PCGF5: variants seen among roughly 807,000 people sequenced by gnomAD.
PCGF5 encodes polycomb group ring finger 5.
Under a neutral mutation model 44.3 loss-of-function variants are expected in PCGF5, and 9 were observed. The ratio of observed to expected loss-of-function variants is 0.20; its 90% CI spans 0.12 to 0.35. PCGF5 has a LOEUF of 0.35. Ranked by LOEUF, PCGF5 falls within the 10% of genes least tolerant of loss-of-function variation. PCGF5 has a pLI of 1.00. For missense variants in PCGF5, 146 were observed against 305.3 expected, an observed-to-expected ratio of 0.48 and a Z score of 3.89; for synonymous variants, 95 against 102.5, an observed-to-expected ratio of 0.93 and a Z score of 0.44.
chr10:91,205,438 C>T (rs998476531), intron 1 of PCGF5, among the ~76,000 whole-genome samples: 2 of 152,130 alleles, frequency 1.3e-5, no homozygotes, highest in Non-Finnish European at 2.9e-5. Flanking sequence ...TTTTAAGTGA[C>T]AAGGGTATAT....
intron 1 of PCGF5, among the ~76,000 whole-genome samples, chr10:91,215,011 G>A (rs375378177): frequency 9.2e-5 from 14 of 152,102 alleles, no homozygotes; most frequent in South Asian, 2.1e-4. Context: ...CAATGGTTAC[G>A]GAAATATTGT....
At chr10:91,218,128 T>C (rs1844580009), upstream of PCGF5, among the ~76,000 whole-genome samples, 2 of 152,226 alleles carry the variant, frequency 1.3e-5, no homozygotes, top group South Asian at 2.1e-4. Flanking sequence ...TTCTGGGACT[T>C]GAGAAGTACT....
chr10:91,178,912 C>T (rs1335958779), intron 1 of PCGF5, among the ~76,000 whole-genome samples: 1 of 152,206 alleles, frequency 6.6e-6, no homozygotes, highest in East Asian at 1.9e-4. Flanking sequence ...GATTCATCCT[C>T]TACAACTGAT....
intron 1 of PCGF5, among the ~76,000 whole-genome samples, chr10:91,191,661 C>T (rs1035993072): frequency 6.6e-6 from 1 of 152,140 alleles, no homozygotes; most frequent in Non-Finnish European, 1.5e-5. Context: ...GTCCTCAGTA[C>T]AGTGATGTCC....
At chr10:91,175,157 T>G (rs1843681536) in intron 1 of PCGF5, among the ~76,000 whole-genome samples, 1 of 152,108 alleles carries the variant, frequency 6.6e-6, no homozygotes, top group African/African-American at 2.4e-5. Context: ...CTCACTTCAC[T>G]TCTTCTATGC....
At chr10:91,177,575 C>CT (rs561937191) in intron 1 of PCGF5, among the ~76,000 whole-genome samples, 103 of 152,326 alleles carry the variant, frequency 6.8e-4, no homozygotes, top group African/African-American at 2.3e-3. Flanking sequence ...TTCCTGGCCG[C>CT]TTTGTTTACC....
At chr10:91,278,204 C>T in intron 9 of PCGF5, 65 bp from the exon 10 acceptor site, 1 of 1,310,458 alleles carries the variant, frequency 7.6e-7, no homozygotes, top group Non-Finnish European at 1.1e-6. Flanking sequence ...TAAAATCTTT[C>T]ATATATAAAC....
chr10:91,227,488 G>A, intron 2 of PCGF5: 1 of 1,277,238 alleles, frequency 7.8e-7, no homozygotes, highest in Non-Finnish European at 1.0e-6. Context: ...ACAAAACTGG[G>A]CAAAGTCCTG....
In PCGF5 at chr10:91,195,483, T is replaced by TAGAG. The variant is rs751445131; in HGVS notation, c.-183-27205_-183-27204insGAGA. On this transcript the variant is annotated intron_variant, in intron 1 of 9. Transcript: ENST00000614189. Reference sequence around the variant, plus strand: ...ATATATATGCATGCATATATATATATATAGAGAGAGAGAGAGAGAGAGAGA... The same window carrying TAGAG: ...ATATATATGCATGCATATATATATATAGAGATAGAGAGAGAGAGAGAGAGAGAGA... Among the ~76,000 whole-genome samples the TAGAG allele has an allele frequency of 1.4e-3, 142 of 102,164 alleles. 1 individual carries two copies. The highest frequency in any genetic ancestry group is 2.9e-3 in the South Asian group (8 of 2,758). 67.0% of individuals were successfully genotyped at this position (102,164 alleles called of 152,430 possible).
At chr10:91,180,788 C>T (rs1324501433) in intron 1 of PCGF5, among the ~76,000 whole-genome samples, 1 of 152,156 alleles carries the variant, frequency 6.6e-6, no homozygotes, top group Non-Finnish European at 1.5e-5. Flanking sequence ...TAGCATGATG[C>T]CTCCAGCTTT....
intron 2 of PCGF5, among the ~76,000 whole-genome samples, chr10:91,239,196 A>T (rs1845259680): frequency 6.6e-6 from 1 of 152,154 alleles, no homozygotes. Flanking sequence ...CTTCCTAAAT[A>T]AAGTATAAGC....
intron 2 of PCGF5, among the ~76,000 whole-genome samples, chr10:91,231,427 G>C (rs183151661): frequency 1.9e-3 from 291 of 152,324 alleles, no homozygotes; most frequent in African/African-American, 6.7e-3. Context: ...GCCTCATTAA[G>C]AGTGACTTTT....
At chr10:91,251,745 A>T (rs1017262827) in intron 6 of PCGF5, among the ~76,000 whole-genome samples, 1 of 151,960 alleles carries the variant, frequency 6.6e-6, no homozygotes, top group African/African-American at 2.4e-5. Flanking sequence ...TGACCAACTT[A>T]GACTTAGAGA....
chr10:91,190,470 A>C (rs1023958062), intron 1 of PCGF5, among the ~76,000 whole-genome samples: 10 of 152,214 alleles, frequency 6.6e-5, no homozygotes, highest in Admixed American at 5.9e-4. Flanking sequence ...TAGTTTCCCC[A>C]TGTATAAAAC....
intron 1 of PCGF5, among the ~76,000 whole-genome samples, chr10:91,213,487 G>T (rs575728350): frequency 6.6e-6 from 1 of 151,694 alleles, no homozygotes; most frequent in South Asian, 2.1e-4. Context: ...TTTTTAAGAT[G>T]AAGTTTTGCT....
At chr10:91,217,095 A>G (rs1291789713), upstream of PCGF5, among the ~76,000 whole-genome samples, 3 of 151,926 alleles carry the variant, frequency 2.0e-5, no homozygotes, top group Non-Finnish European at 4.4e-5. Flanking sequence ...GTGCAGTGGC[A>G]CGATCTTGGC....
At chr10:91,222,240 C>A (rs1844703234) in intron 1 of PCGF5, among the ~76,000 whole-genome samples, 1 of 152,140 alleles carries the variant, frequency 6.6e-6, no homozygotes, top group Non-Finnish European at 1.5e-5. Flanking sequence ...ACAAGTAGAG[C>A]AGCCGGGCAT....
rs895567055 is a variant in PCGF5, at chr10:91,249,923, C to G, written c.325+1199C>G. Among the ~76,000 whole-genome samples, 5 of 151,906 alleles carry G rather than the reference C, an allele frequency of 3.3e-5. No individual in the cohort carries two copies. In the South Asian group the frequency reaches 1.0e-3, roughly 32 times the overall value. ...TAGTAAAAATACAGATAAGATAAGG[C>G]TAATTAAATATTCCAGTTTTTGACT... On this transcript the variant is annotated intron_variant, in intron 5 of 9. Transcript: ENST00000336126.
At chr10:91,169,772 T>A (rs751759232) in intron 1 of PCGF5, among the ~76,000 whole-genome samples, 34 of 152,228 alleles carry the variant, frequency 2.2e-4, no homozygotes, top group Non-Finnish European at 3.7e-4. Context: ...ATTGGCAAAC[T>A]GACTCTAAAG....
Sources: allele counts gnomAD v4.1 joint callset (sites outside exome capture counted in the v4.1 genomes callset), GRCh38; gene constraint gnomAD v4.1.1; transcripts MANE v1.5; gene names NCBI Gene and HGNC (gene_info 2026-07-23, HGNC 2026-07-21).